ZNF451: variants seen among roughly 807,000 people sequenced by gnomAD.
ZNF451 encodes zinc finger protein 451, also known as E3 SUMO-protein ligase ZNF451.
In ZNF451, 80 loss-of-function variants were observed where a neutral mutation model predicts 107.1. That is an observed-to-expected ratio of 0.75 (90% CI 0.62 to 0.90). The LOEUF is 0.90. Among genes scored for constraint, ZNF451 ranks in the 40% least tolerant of loss-of-function variants. ZNF451 has a pLI of 0.00. For missense variants in ZNF451, 1,107 were observed against 1,236.2 expected (o/e 0.90, Z 1.57); for synonymous variants, 362 against 406.5 (o/e 0.89, Z 1.32).
intron 3 of ZNF451, among the ~76,000 whole-genome samples, chr6:57,121,496 A>G (rs1001291284): frequency 1.3e-5 from 2 of 152,208 alleles, no homozygotes; most frequent in African/African-American, 4.8e-5. Flanking sequence ...TGAGTCTTCT[A>G]TCTGTGAACA....
intron 5 of ZNF451, among the ~76,000 whole-genome samples, chr6:57,129,129 A>T (rs1831064289): frequency 6.6e-6 from 1 of 152,174 alleles, no homozygotes; most frequent in Non-Finnish European, 1.5e-5. Context: ...GAAGTAGCAC[A>T]TATGTCCATG....
intron 3 of ZNF451, chr6:57,102,165 A>G: frequency 1.4e-6 from 2 of 1,443,162 alleles, no homozygotes; most frequent in Non-Finnish European, 1.8e-6. Context: ...CTCCTTGTAC[A>G]AATAGGATCT....
intron 3 of ZNF451, among the ~76,000 whole-genome samples, chr6:57,120,096 T>C (rs1830566717): frequency 6.6e-6 from 1 of 152,208 alleles, no homozygotes; most frequent in Admixed American, 6.5e-5. Flanking sequence ...CCTCCTTGAC[T>C]ATCCTGTCAG....
At chr6:57,104,209 A>T in intron 3 of ZNF451, 2 of 985,418 alleles carry the variant, frequency 2.0e-6, no homozygotes, top group Non-Finnish European at 2.4e-6. Flanking sequence ...ACCTGAACAG[A>T]AACAAAGGCC....
chr6:57,143,231 TTTC>T (rs1359764757), intron 9 of ZNF451, among the ~76,000 whole-genome samples: 3 of 152,300 alleles, frequency 2.0e-5, no homozygotes, highest in South Asian at 4.1e-4. Context: ...TGTTGATTAT[TTTC>T]TTCTTTTATG....
chr6:57,129,303 G>C (rs1413984721), intron 5 of ZNF451, among the ~76,000 whole-genome samples: 2 of 152,112 alleles, frequency 1.3e-5, no homozygotes, highest in African/African-American at 2.4e-5. Context: ...ACATTGGGTA[G>C]CTTCTTCGTT....
intron 2 of ZNF451, chr6:57,092,698 G>T (rs981046182): frequency 7.2e-5 from 11 of 152,102 alleles, no homozygotes; most frequent in African/African-American, 2.7e-4. Context: ...GATTTTTTCA[G>T]ATAAAAAATG....
At chr6:57,104,301 TTTATC>T in intron 3 of ZNF451, 1 of 985,334 alleles carries the variant, frequency 1.0e-6, no homozygotes, top group South Asian at 4.7e-5. Context: ...GCACTGTAGT[TTTATC>T]TTAGAGGACT....
At chr6:57,132,038 C>T (rs1831201500) in intron 5 of ZNF451, among the ~76,000 whole-genome samples, 1 of 151,688 alleles carries the variant, frequency 6.6e-6, no homozygotes, top group Non-Finnish European at 1.5e-5. Flanking sequence ...GAAGAATGGA[C>T]CAGGATAAAG....
At chr6:57,131,213 A>G (rs992295410) in intron 5 of ZNF451, among the ~76,000 whole-genome samples, 9 of 152,192 alleles carry the variant, frequency 5.9e-5, no homozygotes, top group Admixed American at 1.3e-4. Flanking sequence ...ATGTTGGACA[A>G]TCCATTCTTT....
intron 9 of ZNF451, among the ~76,000 whole-genome samples, chr6:57,143,579 T>C (rs1831892553): frequency 6.6e-6 from 1 of 152,234 alleles, no homozygotes; most frequent in Non-Finnish European, 1.5e-5. Context: ...AAGCACTGCT[T>C]TACCTGCATG....
chr6:57,161,030 G>A (rs887549303), intron 13 of ZNF451, 54 bp from the exon 14 acceptor site: 4 of 1,142,524 alleles, frequency 3.5e-6, no homozygotes, highest in Admixed American at 2.6e-5. Flanking sequence ...AAATAATATT[G>A]AGAATACATA....
At position 57,154,035 on chromosome 6, in the gene ZNF451, G is replaced by GATACC. The variant is rs764683396; in HGVS notation, c.3060_3064dup (p.Thr1022IlefsTer19). On this transcript the variant is annotated frameshift_variant, in exon 13 of 15. Transcript: ENST00000370706. LOFTEE classifies it high-confidence loss of function. Reference sequence around the variant, plus strand: ...GTGTGCCTTGTTAAATAGCATATCTGATACCACCAAAGGTACGCAGCTGCA... The same window carrying GATACC: ...GTGTGCCTTGTTAAATAGCATATCTGATACCATACCACCAAAGGTACGCAGCTGCA... The GATACC allele has an allele frequency of 6.2e-7, 1 of 1,614,124 alleles. No individual in the cohort carries two copies. Among genetic ancestry groups the GATACC allele is most frequent in the South Asian group, 1.1e-5 (1 of 91,080 alleles).
At chr6:57,163,436 CTTTTTTTTT>C (rs398001706) in intron 14 of ZNF451, among the ~76,000 whole-genome samples, 98 of 30,332 alleles carry the variant, frequency 3.2e-3, no homozygotes, top group South Asian at 0.02. Flanking sequence ...AATGAATAAA[CTTTTTTTTT>C]TTTTTTTTTT....
intron 3 of ZNF451, chr6:57,100,803 T>C: frequency 6.5e-7 from 1 of 1,548,792 alleles, no homozygotes; most frequent in African/African-American, 1.4e-5. Flanking sequence ...ATTCAGATAC[T>C]AAGATCTCTG....
At chr6:57,139,714 GA>G (rs915550515) in intron 7 of ZNF451, among the ~76,000 whole-genome samples, 2 of 152,144 alleles carry the variant, frequency 1.3e-5, no homozygotes, top group African/African-American at 4.8e-5. Flanking sequence ...TTAGATGCTA[GA>G]AAAGACATAC....
At chr6:57,116,644 G>A (rs887848167) in intron 3 of ZNF451, 2 of 152,050 alleles carry the variant, frequency 1.3e-5, no homozygotes, top group African/African-American at 4.8e-5. Context: ...TAATATACCC[G>A]TTTTCTCAGT....
chr6:57,159,176 G>A, intron 13 of ZNF451: 2 of 985,290 alleles, frequency 2.0e-6, no homozygotes, highest in Non-Finnish European at 2.4e-6. Flanking sequence ...GATTTTCTCT[G>A]TTCTTCTGAT....
intron 5 of ZNF451, among the ~76,000 whole-genome samples, chr6:57,131,194 A>C (rs1831161828): frequency 6.6e-6 from 1 of 152,170 alleles, no homozygotes; most frequent in Admixed American, 6.6e-5. Context: ...CTTATTTATA[A>C]TTATTCTAAT....
Sources: allele counts gnomAD v4.1 joint callset (sites outside exome capture counted in the v4.1 genomes callset), GRCh38; gene constraint gnomAD v4.1.1; transcripts MANE v1.5; gene names NCBI Gene and HGNC (gene_info 2026-07-23, HGNC 2026-07-21).